LSAMP: variants seen among roughly 807,000 people sequenced by gnomAD.
The protein encoded by LSAMP is limbic system associated membrane protein, also known as limbic system-associated membrane protein.
LSAMP carries 7 observed loss-of-function variants against 38.6 expected under a neutral mutation model. That is an observed-to-expected ratio of 0.18 (90% confidence interval 0.10 to 0.34). LSAMP has a LOEUF of 0.34. Among genes scored for constraint, LSAMP ranks in the 10% least tolerant of loss-of-function variants. LSAMP has a pLI of 1.00. For missense variants in LSAMP, 313 were observed against 420.0 expected, an observed-to-expected ratio of 0.75 and a Z score of 2.23; for synonymous variants, 154 against 166.8, an observed-to-expected ratio of 0.92 and a Z score of 0.59.
At chr3:116,249,276 C>T (rs2046647020) in intron 1 of LSAMP, among the ~76,000 whole-genome samples, 1 of 151,938 alleles carries the variant, frequency 6.6e-6, no homozygotes, top group South Asian at 2.1e-4. Flanking sequence ...CACATGTGAA[C>T]TCTTTATCTG....
intron 1 of LSAMP, among the ~76,000 whole-genome samples, chr3:116,281,387 C>T (rs74508742): frequency 0.059 from 8,926 of 152,186 alleles, 467 homozygotes; most frequent in African/African-American, 0.14. Context: ...CCTTCCTTTG[C>T]ATTCATGACA....
intron 1 of LSAMP, among the ~76,000 whole-genome samples, chr3:116,289,749 C>A (rs1397033699): frequency 1.3e-5 from 2 of 152,088 alleles, no homozygotes; most frequent in Admixed American, 1.3e-4. Context: ...CCAGCACAAA[C>A]CTGCTTATTA....
chr3:115,899,349 C>G (rs573247090), intron 3 of LSAMP, among the ~76,000 whole-genome samples: 25 of 152,178 alleles, frequency 1.6e-4, no homozygotes, highest in Non-Finnish European at 2.6e-4. Context: ...TCCTAGGAAA[C>G]ACTCCAGAAA....
chr3:115,916,626 A>G (rs1210965886), intron 3 of LSAMP, among the ~76,000 whole-genome samples: 2 of 152,164 alleles, frequency 1.3e-5, no homozygotes, highest in Non-Finnish European at 2.9e-5. Flanking sequence ...TTTAAATCCA[A>G]CTTTCCAGGT....
chr3:116,284,734 G>A (rs1030861257), intron 1 of LSAMP, among the ~76,000 whole-genome samples: 2 of 152,122 alleles, frequency 1.3e-5, no homozygotes, highest in African/African-American at 4.8e-5. Context: ...TATCTCATGG[G>A]CTCTCAATCC....
intron 3 of LSAMP, among the ~76,000 whole-genome samples, chr3:115,945,124 G>C (rs193087832): frequency 6.6e-6 from 1 of 151,812 alleles, no homozygotes. Flanking sequence ...TATTTGCTTA[G>C]TTTTCTTGGC....
At chr3:116,303,460 T>A (rs1033467836) in intron 1 of LSAMP, among the ~76,000 whole-genome samples, 3 of 151,754 alleles carry the variant, frequency 2.0e-5, no homozygotes, top group Admixed American at 6.6e-5. Context: ...TCTCAAATAA[T>A]TTTTTTCTAT....
chr3:115,806,240 T>C lies in LSAMP; in HGVS notation c.*4077A>G, dbSNP rs1933627456. On this transcript the variant is annotated 3_prime_UTR_variant, in exon 7 of 7. Coordinates refer to ENST00000490035, the MANE Select transcript of LSAMP (RefSeq NM_002338.5). ...TCTAAACAACCAAATTCAGTACTTT[T>C]CTTCCTTTTAAGATCAAAACATTAT... 2 of 152,344 alleles carry C rather than the reference T, an allele frequency of 1.3e-5. No individual in the cohort carries two copies. Among genetic ancestry groups the C allele is most frequent in the South Asian group, 2.1e-4 (1 of 4,828 alleles). 9.4% of individuals were successfully genotyped at this position (152,344 alleles called of 1,614,324 possible).
intron 1 of LSAMP, among the ~76,000 whole-genome samples, chr3:116,151,633 A>G (rs901287424): frequency 6.6e-6 from 1 of 152,060 alleles, no homozygotes; most frequent in African/African-American, 2.4e-5. Context: ...GAGGAGAGCC[A>G]GGGAAATCTG....
chr3:116,220,635 G>A (rs536896298), intron 1 of LSAMP, among the ~76,000 whole-genome samples: 4 of 152,136 alleles, frequency 2.6e-5, no homozygotes, highest in Admixed American at 6.5e-5. Flanking sequence ...GTATGATGGA[G>A]CAATCATTAC....
At chr3:116,415,857 G>A (rs544486583) in intron 1 of LSAMP, among the ~76,000 whole-genome samples, 19 of 152,210 alleles carry the variant, frequency 1.2e-4, no homozygotes, top group Admixed American at 9.2e-4. Flanking sequence ...AGCTGCCAAG[G>A]GGAAGGCCAG....
intron 2 of LSAMP, among the ~76,000 whole-genome samples, chr3:116,083,654 G>T (rs115837630): frequency 6.6e-5 from 10 of 152,152 alleles, no homozygotes; most frequent in African/African-American, 2.2e-4. Context: ...AAACCATGGC[G>T]GATGATCATG....
At chr3:116,037,458 TCTGA>T (rs977403769) in intron 2 of LSAMP, among the ~76,000 whole-genome samples, 1 of 152,072 alleles carries the variant, frequency 6.6e-6, no homozygotes, top group African/African-American at 2.4e-5. Flanking sequence ...CCATACTTTC[TCTGA>T]CTCTCAGTAG....
At position 116,116,823 on chromosome 3, in the gene LSAMP, C is replaced by A. The variant is rs545400891; in HGVS notation, c.156-30267G>T. On this transcript the variant is annotated intron_variant, in intron 1 of 6. Coordinates refer to ENST00000490035, the MANE Select transcript of LSAMP (RefSeq NM_002338.5). ...CGTCAAAAGTTTGACTACGGTGAGGCCGCTGTACTACAGAGGCCATGCATA... is the reference window on the plus strand; with the variant it reads ...CGTCAAAAGTTTGACTACGGTGAGGACGCTGTACTACAGAGGCCATGCATA... Among the ~76,000 whole-genome samples the A allele has an allele frequency of 1.6e-4, 25 of 152,206 alleles. No individual in the cohort carries two copies. The South Asian group carries it at 5.0e-3, about 30-fold the overall frequency.
intron 2 of LSAMP, among the ~76,000 whole-genome samples, chr3:116,054,354 G>C (rs1199797665): frequency 1.3e-5 from 2 of 151,806 alleles, no homozygotes; most frequent in African/African-American, 2.4e-5. Context: ...AGCCCTTTTT[G>C]CCTTTCAAGG....
At position 116,403,344 on chromosome 3, in the gene LSAMP, A is replaced by G. The variant is rs1469240919; in HGVS notation, c.155+41533T>C. Among the ~76,000 whole-genome samples, 6 of 152,162 alleles carry G rather than the reference A, an allele frequency of 3.9e-5. No homozygotes were observed. In the East Asian group the frequency reaches 1.2e-3, roughly 29 times the overall value. On this transcript the variant is annotated intron_variant, in intron 1 of 6. Transcript: ENST00000490035. Reference sequence around the variant, plus strand: ...GCTCAATAATAAACAAGGTATTTCTATTTCCATAAAAATCACTGTGAATGT... The same window carrying G: ...GCTCAATAATAAACAAGGTATTTCTGTTTCCATAAAAATCACTGTGAATGT...
chr3:116,423,483 T>G (rs2049156978), intron 1 of LSAMP, among the ~76,000 whole-genome samples: 1 of 152,164 alleles, frequency 6.6e-6, no homozygotes, highest in African/African-American at 2.4e-5. Flanking sequence ...TTGCACACAT[T>G]CCTCTGGGGG....
intron 1 of LSAMP, among the ~76,000 whole-genome samples, chr3:116,178,746 CCCTT>C (rs1189419400): frequency 6.6e-6 from 1 of 152,112 alleles, no homozygotes; most frequent in Non-Finnish European, 1.5e-5. Flanking sequence ...CTCTATCCCA[CCCTT>C]CAAAACAGAT....
At chr3:116,235,860 A>T (rs149754514) in intron 1 of LSAMP, among the ~76,000 whole-genome samples, 237 of 152,294 alleles carry the variant, frequency 1.6e-3, no homozygotes, top group African/African-American at 5.6e-3. Flanking sequence ...TTTAACCCAG[A>T]TACTGTGATG....
Sources: gnomAD v4.1 joint callset for allele counts (sites outside exome capture counted in the v4.1 genomes callset) on GRCh38, gnomAD v4.1.1 for gene constraint, MANE v1.5 for transcripts, NCBI Gene and HGNC (gene_info 2026-07-23, HGNC 2026-07-21) for gene names.